The following TENM2 variants were observed in gnomAD, a reference collection of about 807,000 sequenced individuals.
The protein encoded by TENM2 is teneurin-2.
A neutral mutation model predicts 245.2 loss-of-function variants in TENM2; 52 were observed. The ratio of observed to expected loss-of-function variants is 0.21; its 90% CI spans 0.17 to 0.27. The LOEUF is 0.27. TENM2 is among the 10% of genes least tolerant of loss of function. The pLI, the probability that TENM2 is intolerant of heterozygous loss-of-function variation, is 1.00. For missense variants in TENM2, 3,046 were observed against 3,666.8 expected, an observed-to-expected ratio of 0.83 and a Z score of 4.37; for synonymous variants, 1,363 against 1,438.9, an observed-to-expected ratio of 0.95 and a Z score of 1.19.
intron 5 of TENM2, among the ~76,000 whole-genome samples, chr5:168,047,208 C>T (rs1380141177): frequency 3.3e-5 from 5 of 152,016 alleles, no homozygotes; most frequent in African/African-American, 1.2e-4. Flanking sequence ...AAGGGATCCT[C>T]TCCCCCTGAG....
intron 2 of TENM2, among the ~76,000 whole-genome samples, chr5:167,652,760 G>A (rs939134747): frequency 3.3e-5 from 5 of 151,982 alleles, no homozygotes; most frequent in African/African-American, 1.2e-4. Flanking sequence ...TGCCACAGTC[G>A]TCACTCACAT....
chr5:168,175,352 G>A (rs1259967574), intron 13 of TENM2, among the ~76,000 whole-genome samples: 1 of 152,024 alleles, frequency 6.6e-6, no homozygotes, highest in East Asian at 1.9e-4. Flanking sequence ...TCAAAATCAG[G>A]AACCCATCTT....
intron 2 of TENM2, among the ~76,000 whole-genome samples, chr5:167,701,538 G>T (rs1423105466): frequency 1.3e-5 from 2 of 152,090 alleles, no homozygotes; most frequent in Non-Finnish European, 2.9e-5. Context: ...TAATATTTGA[G>T]ACCATTGACT....
the TENM2 span, among the ~76,000 whole-genome samples, chr5:167,133,090 A>G: frequency 6.6e-6 from 1 of 152,222 alleles, no homozygotes; most frequent in African/African-American, 2.4e-5. Flanking sequence ...ACACAGCACA[A>G]GGCCAAATGG....
In TENM2 at chr5:167,419,840, A is replaced by T. The variant is rs182879015; in HGVS notation, c.502+44367A>T. Among the ~76,000 whole-genome samples, 14 of 152,348 alleles carry T rather than the reference A, an allele frequency of 9.2e-5. No individual in the cohort carries two copies. In the East Asian group the frequency reaches 2.7e-3, roughly 29 times the overall value. ...CTCAGCCCTCATTTGAACTAAAATC[A>T]GCTTAAAAGGCAAATTGTAAGTAAC... On this transcript the variant is annotated intron_variant, in intron 2 of 28. Coordinates refer to ENST00000518659, the Ensembl canonical transcript of TENM2.
intron 2 of TENM2, among the ~76,000 whole-genome samples, chr5:167,731,550 C>A (rs187132298): frequency 6.6e-6 from 1 of 150,798 alleles, no homozygotes; most frequent in Non-Finnish European, 1.5e-5. Flanking sequence ...GTTTAGTTTT[C>A]TTTGTAACAA....
chr5:167,714,602 A>G (rs1380100204), intron 2 of TENM2, among the ~76,000 whole-genome samples: 1 of 152,214 alleles, frequency 6.6e-6, no homozygotes, highest in Non-Finnish European at 1.5e-5. Context: ...AACCAATGGC[A>G]TGGAAGCCCT....
chr5:168,221,448 TC>T (rs1763663524), intron 23 of TENM2, among the ~76,000 whole-genome samples: 1 of 152,182 alleles, frequency 6.6e-6, no homozygotes, highest in Admixed American at 6.5e-5. Flanking sequence ...AGCCCAGCGT[TC>T]TTTGCATTGC....
At chr5:167,311,971 A>G (rs1368991547) in intron 1 of TENM2, among the ~76,000 whole-genome samples, 3 of 152,156 alleles carry the variant, frequency 2.0e-5, no homozygotes, top group Admixed American at 6.5e-5. Context: ...TTAAGGGGGA[A>G]TTTTTTAAGG....
At chr5:167,546,735 A>G (rs1310397462) in intron 2 of TENM2, among the ~76,000 whole-genome samples, 1 of 152,196 alleles carries the variant, frequency 6.6e-6, no homozygotes, top group African/African-American at 2.4e-5. Flanking sequence ...CAAGGCAGAA[A>G]TAATGACAAC....
intron 2 of TENM2, among the ~76,000 whole-genome samples, chr5:167,743,933 G>C (rs1761381640): frequency 6.6e-6 from 1 of 152,124 alleles, no homozygotes; most frequent in Admixed American, 6.6e-5. Flanking sequence ...TATGAAACTA[G>C]AAGTGAGCTT....
intron 3 of TENM2, among the ~76,000 whole-genome samples, chr5:167,903,624 G>A (rs767501150): frequency 1.1e-4 from 16 of 152,164 alleles, no homozygotes; most frequent in Admixed American, 2.6e-4. Flanking sequence ...TGGTTGTGTT[G>A]AGGAACTAGG....
chr5:166,985,734 C>T, the TENM2 span, among the ~76,000 whole-genome samples: 2 of 151,966 alleles, frequency 1.3e-5, no homozygotes, highest in Non-Finnish European at 2.9e-5. Flanking sequence ...GGAAAACGGT[C>T]AATCATCACT....
intron 2 of TENM2, among the ~76,000 whole-genome samples, chr5:167,467,703 A>G (rs1297673450): frequency 2.0e-5 from 3 of 152,128 alleles, no homozygotes; most frequent in Non-Finnish European, 2.9e-5. Context: ...ATTTTATAGA[A>G]CACCGTGATA....
intron 27 of TENM2, among the ~76,000 whole-genome samples, chr5:168,251,703 G>A (rs2152701355): frequency 6.6e-6 from 1 of 152,342 alleles, no homozygotes; most frequent in Admixed American, 6.5e-5. Context: ...AGCAGAAGAG[G>A]TAATTAAGAT....
At chr5:167,453,483 TA>T (rs1239032892) in intron 2 of TENM2, among the ~76,000 whole-genome samples, 2 of 152,312 alleles carry the variant, frequency 1.3e-5, no homozygotes, top group African/African-American at 4.8e-5. Context: ...ATTATCAAAA[TA>T]AAAGACAGGA....
At chr5:167,674,257 A>G (rs1756158497) in intron 2 of TENM2, among the ~76,000 whole-genome samples, 1 of 152,118 alleles carries the variant, frequency 6.6e-6, no homozygotes, top group South Asian at 2.1e-4. Context: ...ATGAATTTCC[A>G]GGATTATGCA....
chr5:167,817,053 T>C (rs13436096), intron 2 of TENM2, among the ~76,000 whole-genome samples: 2,152 of 152,288 alleles, frequency 0.014, 50 homozygotes, highest in African/African-American at 0.049. Context: ...GGACTCGTAA[T>C]TCATGTTCCA....
At chr5:167,871,977 A>G (rs954814171) in intron 2 of TENM2, among the ~76,000 whole-genome samples, 3 of 152,132 alleles carry the variant, frequency 2.0e-5, no homozygotes, top group Admixed American at 1.3e-4. Context: ...GAACAAAATT[A>G]GCAAATGACA....
Sources: allele counts gnomAD v4.1 joint callset (sites outside exome capture counted in the v4.1 genomes callset), GRCh38; gene constraint gnomAD v4.1.1; transcripts MANE v1.5; gene names NCBI Gene and HGNC (gene_info 2026-07-23, HGNC 2026-07-21).